Variants in SELE observed in about 807,000 individuals in gnomAD.
The protein encoded by SELE is selectin E, also known as E-selectin.
SELE carries 52 observed loss-of-function variants against 75.8 expected under a neutral mutation model. The ratio of observed to expected loss-of-function variants is 0.69; its 90% confidence interval spans 0.55 to 0.86. The LOEUF is 0.86. Ranked by LOEUF, SELE falls within the 40% of genes least tolerant of loss-of-function variation. The pLI is 0.00. For synonymous variants in SELE, 285 were observed against 258.7 expected (o/e 1.10, Z -0.98); for missense variants, 754 against 732.7 (o/e 1.03, Z -0.34).
At chr1:169,733,098 G>T in intron 2 of SELE, 100 bp from the exon 3 acceptor site, 1 of 1,209,154 alleles carries the variant, frequency 8.3e-7, no homozygotes, top group Non-Finnish European at 1.1e-6. Flanking sequence ...CAATGTTTGT[G>T]ACATGGCCCA....
At chr1:169,728,954 A>G (rs1161268929) in intron 7 of SELE, among the ~76,000 whole-genome samples, 1 of 152,130 alleles carries the variant, frequency 6.6e-6, no homozygotes, top group African/African-American at 2.4e-5. Context: ...ATGTCTACAA[A>G]GTTTTATCAG....
chr1:169,726,007 C>T (rs1362517131), intron 11 of SELE, 79 bp from the exon 12 acceptor site: 1 of 1,520,366 alleles, frequency 6.6e-7, no homozygotes, highest in Non-Finnish European at 9.1e-7. Flanking sequence ...TACAATATGA[C>T]TTAATTCATC....
At chr1:169,724,961 G>A (rs1243130277) in intron 13 of SELE, among the ~76,000 whole-genome samples, 1 of 152,158 alleles carries the variant, frequency 6.6e-6, no homozygotes, top group Non-Finnish European at 1.5e-5. Flanking sequence ...AAAGCAGGTC[G>A]GAGTAGTTAA....
rs1388879290 is a variant in SELE at position 169,723,633 on chromosome 1, A to C, written c.*892T>G. 1.3e-5 allele frequency: 2 copies of C among 152,238 alleles called. No homozygotes were observed. The highest frequency in any genetic ancestry group is 2.9e-5 in the Non-Finnish European group (2 of 68,036). The allele number at this position is 152,238 out of a possible 1,614,324, so 9.4% of individuals were successfully genotyped here. On this transcript the variant is annotated 3_prime_UTR_variant, in exon 14 of 14. Coordinates refer to ENST00000333360, the MANE Select transcript of SELE (RefSeq NM_000450.2). ...TGTTTTCAAAAAACAACTGTAGTAAAAACACTCAGAACTTTATTCTGGTTA... is the reference window on the plus strand; with the variant it reads ...TGTTTTCAAAAAACAACTGTAGTAACAACACTCAGAACTTTATTCTGGTTA...
chr1:169,733,446 C>T (rs3917402), intron 2 of SELE, 130 bp downstream of exon 2: 71,498 of 872,038 alleles, frequency 0.082, 3,362 homozygotes, highest in Middle Eastern at 0.11. Context: ...GGGAAGAACA[C>T]ATTGCAGGTA....
intron 7 of SELE, 123 bp from the exon 8 acceptor site, chr1:169,728,369 T>A (rs1335654057): frequency 2.3e-6 from 2 of 881,544 alleles, no homozygotes; most frequent in Non-Finnish European, 3.4e-6. Context: ...TATAATTCCC[T>A]GGACAAATGG....
Position 169,728,099 on chromosome 1 carries a change from C to A in SELE, c.1238G>T (p.Gly413Val), listed in dbSNP as rs564943690. 61 of 1,614,008 alleles carry A rather than the reference C, an allele frequency of 3.8e-5. No individual in the cohort carries two copies. Among genetic ancestry groups the A allele is most frequent in the Non-Finnish European group, 4.8e-5 (57 of 1,180,000 alleles). The change falls in exon 8 of 14, where the codon GGC becomes GTC. Residue 413 changes from glycine to valine, a missense_variant. Transcript: ENST00000333360. ...CTCGTTGTCCCACTCCCCTGTGGGGCCACATTGGAGCCTTTTGGATCCCTT... is the reference window on the plus strand; with the variant it reads ...CTCGTTGTCCCACTCCCCTGTGGGGACACATTGGAGCCTTTTGGATCCCTT... ...VLKGSKRLQC[G>V]PTGEWDNEKP...
At chr1:169,732,141 G>A (rs566469104) in intron 3 of SELE, among the ~76,000 whole-genome samples, 199 bp from the exon 4 acceptor site, 52 of 152,136 alleles carry the variant, frequency 3.4e-4, no homozygotes, top group African/African-American at 1.2e-3. Flanking sequence ...ATGTATAGCT[G>A]TGGCTGGCAC....
intron 2 of SELE, 112 bp from the exon 3 acceptor site, chr1:169,733,110 AC>A: frequency 9.2e-7 from 1 of 1,088,844 alleles, no homozygotes; most frequent in Middle Eastern, 2.3e-4. Flanking sequence ...CATGGCCCAG[AC>A]TTTTCTCATC....
rs1200549268 is a variant in SELE at position 169,731,905 on chromosome 1, T to C, written c.459A>G (p.Glu153=). The part of the protein sequence containing the change: ...CTNTSCSGHG[E]CVETINNYTC... ...TGTAATTATTGATGGTCTCTACACATTCACCGTGGCCACTGCAGGATGTAT... is the reference window on the plus strand; with the variant it reads ...TGTAATTATTGATGGTCTCTACACACTCACCGTGGCCACTGCAGGATGTAT... The change falls in exon 4 of 14, where the codon GAA becomes GAG. Residue 153 remains glutamate (E), a synonymous_variant. Transcript: ENST00000333360. 3 of 1,613,754 alleles carry C rather than the reference T, an allele frequency of 1.9e-6. No homozygotes were observed. The highest frequency in any genetic ancestry group is 2.5e-6 in the Non-Finnish European group (3 of 1,179,700).
chr1:169,734,013 G>A lies in SELE; in HGVS notation c.-91C>T, dbSNP rs1648984181. 5.0e-6 allele frequency: 1 copy of A among 198,478 alleles called. No homozygotes were observed. Among genetic ancestry groups the A allele is most frequent in the African/African-American group, 2.4e-5 (1 of 42,382 alleles). 12.3% of individuals were successfully genotyped at this position (198,478 alleles called of 1,614,324 possible). On this transcript the variant is annotated 5_prime_UTR_variant, in exon 1 of 14. Transcript: ENST00000333360. Reference sequence around the variant, plus strand: ...GTTCAAACACAGGATCTCTCAGGTGGGTATCACTGCTGCCTCTGTCTCAGG... The same window carrying A: ...GTTCAAACACAGGATCTCTCAGGTGAGTATCACTGCTGCCTCTGTCTCAGG...
chr1:169,732,779 G>C lies in SELE; in HGVS notation c.257C>G (p.Thr86Ser). 6.2e-7 allele frequency: 1 copy of C among 1,614,070 alleles called. No homozygotes were observed. Among genetic ancestry groups the C allele is most frequent in the Non-Finnish European group, 8.5e-7 (1 of 1,180,012 alleles). The change falls in exon 3 of 14, where the codon ACC (threonine) becomes AGC (serine). Residue 86 changes from threonine to serine, a missense_variant. Physicochemically the swap from Thr to Ser is moderately conservative, Grantham distance 58. Coordinates refer to ENST00000333360, the MANE Select transcript of SELE (RefSeq NM_000450.2). ...GGCTTCTTCTGTCAGAGGTTTCTGG[G>C]TTCCTACCCAGACCCACACATTGTT... ...KVNNVWVWVG[T>S]QKPLTEEAKN...
chr1:169,726,033 G>C, intron 11 of SELE, 105 bp from the exon 12 acceptor site: 1 of 1,261,696 alleles, frequency 7.9e-7, no homozygotes, highest in African/African-American at 1.5e-5. Context: ...TTGCAAACTC[G>C]ATGCTTCAGG....
Position 169,727,604 on chromosome 1 carries a change from T to C in SELE, c.1469-79A>G, listed in dbSNP as rs1344391620. ...CCAAAACTTGCTTAAAAGTCAACAA[T>C]GAATGTAAAGTGTAAGCGCTACTTA... is the stretch of plus-strand genomic sequence containing the variant. On this transcript the variant is annotated intron_variant, in intron 9 of 13. Coordinates refer to ENST00000333360, the MANE Select transcript of SELE (RefSeq NM_000450.2). The C allele has an allele frequency of 5.8e-6, 9 of 1,560,424 alleles. No individual in the cohort carries two copies. The East Asian group carries it at 2.0e-4, about 35-fold the overall frequency.
At position 169,727,427 on chromosome 1, in the gene SELE, C is replaced by T. The variant is rs377581662; in HGVS notation, c.1567G>A (p.Gly523Arg). ...GTVCKFACPE[G>R]WTLNGSAART... is the part of the protein sequence containing the mutation. Reference sequence around the variant, plus strand: ...GCTGCAGAGCCATTGAGCGTCCATCCTTCAGGACAGGCGAACTTGCACACA... The same window carrying T: ...GCTGCAGAGCCATTGAGCGTCCATCTTTCAGGACAGGCGAACTTGCACACA... Residue 523 changes from glycine (G) to arginine (R), a missense_variant, in exon 10 of 14, where the codon GGA (glycine) becomes AGA (arginine). Transcript: ENST00000333360. 14 of 1,614,062 alleles carry T rather than the reference C, an allele frequency of 8.7e-6. No homozygotes were observed. The highest frequency in any genetic ancestry group is 1.3e-5 in the African/African-American group (1 of 74,924).
chr1:169,727,989 G>A (rs1300770158), intron 8 of SELE, 62 bp from the exon 9 acceptor site: 1 of 1,587,198 alleles, frequency 6.3e-7, no homozygotes, highest in African/African-American at 1.4e-5. Context: ...CGTTTCCCAA[G>A]GTAACCAAGT....
intron 11 of SELE, among the ~76,000 whole-genome samples, chr1:169,726,394 A>T (rs995392941): frequency 2.0e-5 from 3 of 152,104 alleles, no homozygotes; most frequent in African/African-American, 7.2e-5. Context: ...AATTTTATCC[A>T]TTTTCCTTAG....
chr1:169,727,868 G>A lies in SELE; in HGVS notation c.1339C>T (p.Pro447Ser). Residue 447 changes from proline to serine, a missense_variant, in exon 9 of 14, where the codon CCT becomes TCT. Transcript: ENST00000333360. Reference sequence around the variant, plus strand: ...GACTTGTAGGTGAATTCTCCAATAGGGGAATGAGCACACCTCACCAAACCC... The same window carrying A: ...GACTTGTAGGTGAATTCTCCAATAGAGGAATGAGCACACCTCACCAAACCC... ...PKGLVRCAHSPIGEFTYKSSC... is the reference protein window; with the variant it reads ...PKGLVRCAHSSIGEFTYKSSC... The A allele has an allele frequency of 1.2e-6, 2 of 1,614,134 alleles. No homozygotes were observed. Among genetic ancestry groups the A allele is most frequent in the Middle Eastern group, 1.6e-4 (1 of 6,062 alleles).
intron 2 of SELE, 63 bp downstream of exon 2, chr1:169,733,513 A>T: frequency 6.6e-7 from 1 of 1,505,054 alleles, no homozygotes; most frequent in Non-Finnish European, 9.2e-7. Flanking sequence ...AAGCAAGGAT[A>T]TTTCAGTCTG....
Sources: allele counts gnomAD v4.1 joint callset (sites outside exome capture counted in the v4.1 genomes callset), GRCh38; gene constraint gnomAD v4.1.1; transcripts MANE v1.5; gene names NCBI Gene and HGNC (gene_info 2026-07-23, HGNC 2026-07-21).